ANKLE2: variants seen among roughly 807,000 people sequenced by gnomAD.
ANKLE2 encodes the protein ankyrin repeat and LEM domain-containing protein 2.
Under a neutral mutation model 84.2 loss-of-function variants are expected in ANKLE2, and 55 were observed. The observed-to-expected ratio is 0.65, with a 90% CI of 0.53 to 0.82. ANKLE2 has a LOEUF of 0.82. Ranked by LOEUF, ANKLE2 falls within the 40% of genes least tolerant of loss-of-function variation. The pLI is 0.00. For missense variants in ANKLE2, 1,238 were observed against 1,201.9 expected (o/e 1.03, Z -0.44); for synonymous variants, 551 against 486.1 (o/e 1.13, Z -1.76).
chr12:132,745,798 C>A, intron 5 of ANKLE2: 1 of 161,150 alleles, frequency 6.2e-6, no homozygotes, highest in South Asian at 1.5e-4. Context: ...CACACACACC[C>A]TCAGCATCAC....
intron 5 of ANKLE2, chr12:132,745,719 G>C (rs946714851): frequency 2.7e-5 from 5 of 186,608 alleles, no homozygotes; most frequent in Non-Finnish European, 5.9e-5. Context: ...CAGCAGGGAG[G>C]GGCGACGAGC....
intron 8 of ANKLE2, among the ~76,000 whole-genome samples, chr12:132,736,395 T>C (rs2044009411): frequency 6.6e-6 from 1 of 152,192 alleles, no homozygotes; most frequent in Non-Finnish European, 1.5e-5. Context: ...AACACCACCA[T>C]TAAGGATTTC....
At chr12:132,732,990 G>A (rs1270587172) in intron 10 of ANKLE2, among the ~76,000 whole-genome samples, 6 of 142,668 alleles carry the variant, frequency 4.2e-5, no homozygotes, top group Non-Finnish European at 9.0e-5. Context: ...GAAGCGCTCT[G>A]CGTCCTGGTG....
intron 1 of ANKLE2, chr12:132,756,750 AC>A (rs2044494466): frequency 6.6e-6 from 1 of 151,638 alleles, no homozygotes; most frequent in East Asian, 1.9e-4. Flanking sequence ...AGATGGTGAA[AC>A]CCCATCTCTA....
chr12:132,737,156 C>T (rs1309054702), intron 7 of ANKLE2, 91 bp from the exon 8 acceptor site: 2 of 1,398,550 alleles, frequency 1.4e-6, no homozygotes, highest in Non-Finnish European at 1.9e-6. Context: ...CGAGCCCTTG[C>T]CAAGGCCTCT....
chr12:132,748,529 G>A (rs1272063456), intron 3 of ANKLE2, among the ~76,000 whole-genome samples, 198 bp from the exon 4 acceptor site: 2 of 152,054 alleles, frequency 1.3e-5, no homozygotes, highest in Admixed American at 6.6e-5. Context: ...CAGCGTGCCC[G>A]TCAGCAGAGC....
chr12:132,733,924 A>T (rs2043949815), intron 10 of ANKLE2: 1 of 456,212 alleles, frequency 2.2e-6, no homozygotes, highest in African/African-American at 2.0e-5. Flanking sequence ...AAGCAGAAAC[A>T]GCAATACTGC....
At position 132,726,363 on chromosome 12, in the gene ANKLE2, T is replaced by C. The variant is rs2043698149; in HGVS notation, c.*879A>G. The C allele has an allele frequency of 6.6e-6, 1 of 152,286 alleles. No individual in the cohort carries two copies. Among genetic ancestry groups the C allele is most frequent in the Non-Finnish European group, 1.5e-5 (1 of 68,108 alleles). The allele number at this position is 152,286 out of a possible 1,614,324, so 9.4% of individuals were successfully genotyped here. ...TGCATACAGGAGATCCCAACTGAAA[T>C]GAGTTCCAAAATAACGGATACCTTT... On this transcript the variant is annotated 3_prime_UTR_variant, in exon 13 of 13. Transcript: ENST00000357997.
chr12:132,732,932 T>G (rs142161313), intron 10 of ANKLE2, among the ~76,000 whole-genome samples: 2 of 125,182 alleles, frequency 1.6e-5, no homozygotes, highest in African/African-American at 6.1e-5. Context: ...GTGTCTGATA[T>G]GCACCGTGTG....
At chr12:132,744,210 C>T (rs1254353442) in intron 5 of ANKLE2, among the ~76,000 whole-genome samples, 1 of 152,164 alleles carries the variant, frequency 6.6e-6, no homozygotes, top group East Asian at 1.9e-4. Flanking sequence ...GTCAACAGTG[C>T]CCCTGAGCCC....
chr12:132,761,520 C>T, intron 1 of ANKLE2, 98 bp downstream of exon 1: 1 of 1,046,472 alleles, frequency 9.6e-7, no homozygotes, highest in Non-Finnish European at 1.2e-6. Context: ...CCAACTGCTG[C>T]CGGCTCCAGG....
intron 5 of ANKLE2, among the ~76,000 whole-genome samples, chr12:132,744,657 T>C (rs2044197571): frequency 6.6e-6 from 1 of 152,224 alleles, no homozygotes; most frequent in Non-Finnish European, 1.5e-5. Context: ...GCAAGCTTTC[T>C]TGGACAAGGA....
At chr12:132,744,450 T>C (rs1005290728) in intron 5 of ANKLE2, among the ~76,000 whole-genome samples, 13 of 152,098 alleles carry the variant, frequency 8.5e-5, no homozygotes, top group African/African-American at 3.1e-4. Flanking sequence ...TCATGGACCC[T>C]GCGGCCTGCA....
At chr12:132,750,537 T>C in intron 3 of ANKLE2, 106 bp downstream of exon 3, 6 of 1,229,932 alleles carry the variant, frequency 4.9e-6, no homozygotes, top group Non-Finnish European at 6.9e-6. Context: ...CCATCGACTC[T>C]ACCCTCATGG....
chr12:132,761,712 C>G lies in ANKLE2; in HGVS notation c.87G>C (p.Arg29=). 1 of 1,349,348 alleles carries G rather than the reference C, an allele frequency of 7.4e-7. No homozygotes were observed. The highest frequency in any genetic ancestry group is 1.7e-5 in the South Asian group (1 of 59,048). The allele number at this position is 1,349,348 out of a possible 1,614,324, so 83.6% of individuals were successfully genotyped here. Residue 29 remains arginine, a synonymous_variant, in exon 1 of 13, where the codon CGG becomes CGC. Coordinates refer to ENST00000357997, the MANE Select transcript of ANKLE2 (RefSeq NM_015114.3). ...LGASVLLIAV[R]WLVRRLGPRP... ...GCGGGCCCAGCCGCCGCACCAGCCA[C>G]CGCACAGCGATCAGCAGCACCGAGG...
rs775904170 is a variant in ANKLE2, at chr12:132,748,171, C to G, written c.1008G>C (p.Leu336=). 7 of 1,613,804 alleles carry G rather than the reference C, an allele frequency of 4.3e-6. No homozygotes were observed. In the Admixed American group the frequency reaches 1.2e-4, roughly 27 times the overall value. ...SDLIWSNPRY[L]IGSGDNPTIV... Reference sequence around the variant, plus strand: ...TAGTGGGGTTGTCTCCTGAGCCTATCAGATACCGGGGGTTGCTCCAGATAA... The same window carrying G: ...TAGTGGGGTTGTCTCCTGAGCCTATGAGATACCGGGGGTTGCTCCAGATAA... The change falls in exon 4 of 13, where the codon CTG becomes CTC. Residue 336 remains leucine (L), a synonymous_variant. Transcript: ENST00000357997.
intron 9 of ANKLE2, 170 bp from the exon 10 acceptor site, chr12:132,734,745 A>G: frequency 1.5e-6 from 1 of 648,780 alleles, no homozygotes; most frequent in Non-Finnish European, 2.5e-6. Flanking sequence ...ATTTTCTGAA[A>G]CAGCACGCCT....
chr12:132,742,946 G>A (rs544365558), intron 6 of ANKLE2, among the ~76,000 whole-genome samples: 26 of 152,180 alleles, frequency 1.7e-4, no homozygotes, highest in Non-Finnish European at 3.4e-4. Context: ...AGCAAACTGC[G>A]TCAGTTCCTT....
chr12:132,742,074 T>G (rs11147041), intron 6 of ANKLE2: 187,328 of 310,076 alleles, frequency 0.6, 58,069 homozygotes, highest in Non-Finnish European at 0.68. Context: ...TGAATGCAAC[T>G]ACATTTTTGA....
Sources: allele counts gnomAD v4.1 joint callset (sites outside exome capture counted in the v4.1 genomes callset), GRCh38; gene constraint gnomAD v4.1.1; transcripts MANE v1.5; gene names NCBI Gene and HGNC (gene_info 2026-07-23, HGNC 2026-07-21).